The following DIS3L2 variants were observed in gnomAD, a reference collection of about 807,000 sequenced individuals.
DIS3L2 encodes the protein DIS3 like 3'-5' exoribonuclease 2.
A neutral mutation model predicts 97.5 loss-of-function variants in DIS3L2; 34 were observed. The ratio of observed to expected loss-of-function variants is 0.35; its 90% CI spans 0.27 to 0.46. The LOEUF (loss-of-function observed/expected upper bound fraction) is 0.46, where lower values mean the gene tolerates loss of function less well. Ranked by LOEUF, DIS3L2 falls within the 20% of genes least tolerant of loss-of-function variation. The pLI, the probability that DIS3L2 is intolerant of heterozygous loss-of-function variation, is 1.00. For synonymous variants in DIS3L2, 435 were observed against 445.2 expected, an observed-to-expected ratio of 0.98 and a Z score of 0.29; for missense variants, 1,038 against 1,146.0, an observed-to-expected ratio of 0.91 and a Z score of 1.36.
In DIS3L2 at chr2:232,129,127, A is replaced by G. The variant is rs58832060; in HGVS notation, c.602-1492A>G. Among the ~76,000 whole-genome samples the G allele has an allele frequency of 1.7e-3, 262 of 152,328 alleles. 5 individuals are homozygous for G. In the East Asian group the frequency reaches 0.044, roughly 26 times the overall value. Reference sequence around the variant, plus strand: ...GTAACAGTCATTTGAAGATGGAGCCATCAGTGATCATCACAGAAAGCTGTT... The same window carrying G: ...GTAACAGTCATTTGAAGATGGAGCCGTCAGTGATCATCACAGAAAGCTGTT... On this transcript the variant is annotated intron_variant, in intron 6 of 20. Coordinates refer to ENST00000325385, the MANE Select transcript of DIS3L2 (RefSeq NM_152383.5).
chr2:231,984,100 C>G (rs1277404086), intron 1 of DIS3L2, among the ~76,000 whole-genome samples: 1 of 151,672 alleles, frequency 6.6e-6, no homozygotes, highest in African/African-American at 2.4e-5. Context: ...TGTCTCATTT[C>G]TAATATTTAT....
intron 5 of DIS3L2, among the ~76,000 whole-genome samples, chr2:232,036,831 G>A (rs1289921200): frequency 6.6e-6 from 1 of 152,170 alleles, no homozygotes; most frequent in East Asian, 1.9e-4. Context: ...GACCCTGTTT[G>A]CTTGGGTATC....
chr2:232,315,018 G>A (rs1299047987), intron 14 of DIS3L2, among the ~76,000 whole-genome samples: 2 of 152,236 alleles, frequency 1.3e-5, no homozygotes, highest in East Asian at 3.8e-4. Flanking sequence ...CCAGGGGGAA[G>A]CCAGCTCTCT....
At chr2:231,977,029 G>A (rs891349800) in intron 1 of DIS3L2, among the ~76,000 whole-genome samples, 23 of 152,144 alleles carry the variant, frequency 1.5e-4, no homozygotes, top group Admixed American at 1.2e-3. Flanking sequence ...AGCCTCCCAC[G>A]CCTGGGATTA....
chr2:232,143,080 G>A (rs541908578), intron 8 of DIS3L2, among the ~76,000 whole-genome samples: 4 of 152,292 alleles, frequency 2.6e-5, no homozygotes, highest in African/African-American at 9.6e-5. Context: ...GAAAGATGAT[G>A]AATGGCTGAG....
At chr2:232,176,843 T>C (rs1574928236) in intron 9 of DIS3L2, among the ~76,000 whole-genome samples, 1 of 150,594 alleles carries the variant, frequency 6.6e-6, no homozygotes, top group East Asian at 1.9e-4. Flanking sequence ...TTAGGGTACA[T>C]GTGCACATTG....
chr2:232,058,917 T>C (rs1467460665), intron 5 of DIS3L2, among the ~76,000 whole-genome samples: 1 of 152,228 alleles, frequency 6.6e-6, no homozygotes, highest in African/African-American at 2.4e-5. Context: ...ATAAAGCATG[T>C]TTTTATTTGT....
At chr2:232,046,697 G>A (rs1382158894) in intron 5 of DIS3L2, among the ~76,000 whole-genome samples, 1 of 152,088 alleles carries the variant, frequency 6.6e-6, no homozygotes, top group African/African-American at 2.4e-5. Flanking sequence ...CTTGTAGTTG[G>A]AAAAAACCCA....
At chr2:232,278,827 A>C (rs1253560335) in intron 13 of DIS3L2, among the ~76,000 whole-genome samples, 1 of 152,214 alleles carries the variant, frequency 6.6e-6, no homozygotes, top group Non-Finnish European at 1.5e-5. Context: ...AATATTTGGA[A>C]TAAGATTGCT....
rs753508150 is a variant in DIS3L2, at chr2:232,087,505, A to G, written c.385A>G (p.Asn129Asp). ...TCTTTAGGTAGTTAAACCAGAGAGC[A>G]ATGACAAAGAAACAGAAGCTGCGTA... ...EHWKVVKPES[N>D]DKETEAAYES... The change falls in exon 6 of 21, where the codon AAT (asparagine) becomes GAT (aspartate). Residue 129 changes from asparagine (N) to aspartate (D), a missense_variant. By Grantham distance (23) the Asn-to-Asp change is conservative. Coordinates refer to ENST00000325385, the MANE Select transcript of DIS3L2 (RefSeq NM_152383.5). 6.2e-7 allele frequency: 1 copy of G among 1,613,434 alleles called. No homozygotes were observed.
rs1359256995 is a variant in DIS3L2 at position 232,072,480 on chromosome 2, G to T, written c.367-15007G>T. Among the ~76,000 whole-genome samples, 5 of 152,134 alleles carry T rather than the reference G, an allele frequency of 3.3e-5. No individual in the cohort carries two copies. In the East Asian group the frequency reaches 9.6e-4, roughly 29 times the overall value. ...GAGGTAGAGAATTGTCAGAGACGAG[G>T]TCGGAGGGATCCGGGGTGGGGGTGC... On this transcript the variant is annotated intron_variant, in intron 5 of 20. Transcript: ENST00000325385.
chr2:232,287,580 C>T (rs774463588), intron 13 of DIS3L2, among the ~76,000 whole-genome samples: 3 of 151,840 alleles, frequency 2.0e-5, no homozygotes, highest in Non-Finnish European at 4.4e-5. Flanking sequence ...TTTGTAGAGA[C>T]GGAGGTCTCG....
chr2:232,240,530 G>A (rs1693051693), intron 11 of DIS3L2, among the ~76,000 whole-genome samples: 1 of 152,230 alleles, frequency 6.6e-6, no homozygotes, highest in South Asian at 2.1e-4. Flanking sequence ...ACCAATTAGT[G>A]AGAATAGTTA....
intron 16 of DIS3L2, among the ~76,000 whole-genome samples, chr2:232,332,345 G>A (rs574908503): frequency 2.6e-4 from 39 of 152,266 alleles, no homozygotes; most frequent in Non-Finnish European, 3.7e-4. Context: ...CATCAGCTGC[G>A]CCCTGGATTC....
At chr2:232,090,671 C>T (rs1244351977) in intron 6 of DIS3L2, among the ~76,000 whole-genome samples, 2 of 152,144 alleles carry the variant, frequency 1.3e-5, no homozygotes, top group African/African-American at 4.8e-5. Flanking sequence ...CAAACTTTTC[C>T]TAAGACTTCT....
At position 232,270,860 on chromosome 2, in the gene DIS3L2, G is replaced by GTCCC. The variant is rs1491319157; in HGVS notation, c.1659+7422_1659+7423insCCTC. 4.8e-3 allele frequency among the ~76,000 whole-genome samples: 501 copies of GTCCC among 103,854 alleles called. 35 individuals carry two copies. In the East Asian group the frequency reaches 0.085, roughly 18 times the overall value. 68.1% of individuals were successfully genotyped at this position (103,854 alleles called of 152,430 possible). On this transcript the variant is annotated intron_variant, in intron 13 of 20. Coordinates refer to ENST00000325385, the MANE Select transcript of DIS3L2 (RefSeq NM_152383.5). ...CGCACTCGCGCGCTCTCTTTTTCTC[G>GTCCC]TCTCTCTCTCTCTCTCTCTCTCTCT...
chr2:232,269,107 T>A lies in DIS3L2; in HGVS notation c.1659+5667T>A, dbSNP rs1488366857. ...TCCCACCCAAGCCCACTTGCAGAGA[T>A]GCTGGCTCTGCCTCGTGTAGGTGCG... is the stretch of plus-strand genomic sequence containing the variant. On this transcript the variant is annotated intron_variant, in intron 13 of 20. Coordinates refer to ENST00000325385, the MANE Select transcript of DIS3L2 (RefSeq NM_152383.5). This position sits in a 1 kb window ranked among gnomAD's most constrained non-coding sequence, Gnocchi z 4.5. Among the ~76,000 whole-genome samples, 1 of 152,226 alleles carries A rather than the reference T, an allele frequency of 6.6e-6. No homozygotes were observed. Among genetic ancestry groups the A allele is most frequent in the Non-Finnish European group, 1.5e-5 (1 of 68,042 alleles).
intron 10 of DIS3L2, among the ~76,000 whole-genome samples, chr2:232,226,284 C>T (rs1012637951): frequency 3.9e-5 from 6 of 152,134 alleles, no homozygotes; most frequent in African/African-American, 1.2e-4. Flanking sequence ...AAGGCTGCAC[C>T]ACCATATGGT....
chr2:232,276,905 G>A lies in DIS3L2; in HGVS notation c.1659+13465G>A, dbSNP rs1378248449. Reference sequence around the variant, plus strand: ...AGCAAGCACCCAGCAGGGATTAGCTGTGTGGCCAGATGGTGAGAAAGGGCC... The same window carrying A: ...AGCAAGCACCCAGCAGGGATTAGCTATGTGGCCAGATGGTGAGAAAGGGCC... On this transcript the variant is annotated intron_variant, in intron 13 of 20. Transcript: ENST00000325385. The surrounding 1 kb of genome is among the most constrained non-coding windows in gnomAD (Gnocchi z 4.4). Among the ~76,000 whole-genome samples the A allele has an allele frequency of 6.6e-6, 1 of 152,240 alleles. No homozygotes were observed.
Sources: gnomAD v4.1 joint callset for allele counts (sites outside exome capture counted in the v4.1 genomes callset) on GRCh38, gnomAD v4.1.1 for gene constraint, Gnocchi (gnomAD v3.1) non-coding constraint, MANE v1.5 for transcripts, NCBI Gene and HGNC (gene_info 2026-07-23, HGNC 2026-07-21) for gene names.